PRKG1: variants seen among roughly 807,000 people sequenced by gnomAD.
PRKG1 encodes protein kinase cGMP-dependent 1.
In PRKG1, 35 loss-of-function variants were observed where a neutral mutation model predicts 88.1. The ratio of observed to expected loss-of-function variants is 0.40; its 90% CI spans 0.30 to 0.53. The LOEUF (loss-of-function observed/expected upper bound fraction) is 0.53. Ranked by LOEUF, PRKG1 falls within the 20% of genes least tolerant of loss-of-function variation. The probability of loss-of-function intolerance (pLI) is 0.59; values close to 1 mark genes in which losing one functional copy is unlikely to be tolerated. For missense variants in PRKG1, 540 were observed against 839.8 expected, an observed-to-expected ratio of 0.64 and a Z score of 4.41; for synonymous variants, 303 against 292.5, an observed-to-expected ratio of 1.04 and a Z score of -0.37.
chr10:51,090,212 A>G (rs776872631), intron 1 of PRKG1, among the ~76,000 whole-genome samples: 1 of 152,208 alleles, frequency 6.6e-6, no homozygotes, highest in South Asian at 2.1e-4. Context: ...TGAGGTTCTC[A>G]TTACTATCAT....
At chr10:51,868,521 A>G (rs975290831) in intron 4 of PRKG1, among the ~76,000 whole-genome samples, 1 of 152,092 alleles carries the variant, frequency 6.6e-6, no homozygotes, top group African/African-American at 2.4e-5. Flanking sequence ...TCTGTAGGAT[A>G]CTGAAAATAT....
intron 5 of PRKG1, among the ~76,000 whole-genome samples, chr10:51,951,590 T>C (rs567590679): frequency 2.2e-4 from 34 of 152,222 alleles, no homozygotes; most frequent in Non-Finnish European, 1.6e-4. Context: ...CTTATGGTAC[T>C]ATTCACAGAA....
chr10:51,499,932 C>T (rs2132891215), intron 3 of PRKG1, among the ~76,000 whole-genome samples: 1 of 152,192 alleles, frequency 6.6e-6, no homozygotes, highest in Non-Finnish European at 1.5e-5. Flanking sequence ...ACATTCCAGC[C>T]CAGGTGACAG....
chr10:51,130,481 A>T (rs1235508330), intron 1 of PRKG1, among the ~76,000 whole-genome samples: 1 of 152,178 alleles, frequency 6.6e-6, no homozygotes, highest in African/African-American at 2.4e-5. Context: ...CTGCTCATTT[A>T]CTATCAAACT....
At chr10:51,244,164 A>T (rs966947706) in intron 2 of PRKG1, among the ~76,000 whole-genome samples, 5 of 152,194 alleles carry the variant, frequency 3.3e-5, no homozygotes, top group African/African-American at 1.2e-4. Context: ...AAAATATATC[A>T]TAGATACTTT....
chr10:52,206,383 C>A (rs1401802952), intron 9 of PRKG1, among the ~76,000 whole-genome samples: 6 of 152,114 alleles, frequency 3.9e-5, no homozygotes, highest in Non-Finnish European at 8.8e-5. Context: ...CTTCACTCCT[C>A]TCTATATTCT....
At chr10:51,707,655 C>T (rs1338451433) in intron 3 of PRKG1, among the ~76,000 whole-genome samples, 1 of 151,974 alleles carries the variant, frequency 6.6e-6, no homozygotes, top group East Asian at 1.9e-4. Context: ...TAAACTGCCA[C>T]TCACTTCAGA....
intron 5 of PRKG1, among the ~76,000 whole-genome samples, chr10:51,953,711 G>T (rs1333753269): frequency 2.0e-5 from 3 of 152,112 alleles, no homozygotes; most frequent in Non-Finnish European, 4.4e-5. Context: ...CATATTGTGT[G>T]TGCGGTTTTG....
At chr10:51,061,107 T>C (rs1843687959) in intron 1 of PRKG1, among the ~76,000 whole-genome samples, 1 of 127,292 alleles carries the variant, frequency 7.9e-6, no homozygotes. Context: ...GTTCTCATGC[T>C]GCTAATAAAG....
At chr10:51,476,199 G>C (rs1436702035) in intron 3 of PRKG1, among the ~76,000 whole-genome samples, 1 of 151,982 alleles carries the variant, frequency 6.6e-6, no homozygotes, top group African/African-American at 2.4e-5. Context: ...GAAGTTCCTT[G>C]GAATTGAGAC....
intron 1 of PRKG1, among the ~76,000 whole-genome samples, chr10:51,144,399 T>C (rs945177493): frequency 1.3e-5 from 2 of 152,132 alleles, no homozygotes; most frequent in Non-Finnish European, 1.5e-5. Flanking sequence ...AGTTCTACTA[T>C]GGCAAACTTA....
In PRKG1 at chr10:51,092,496, A is replaced by T. The variant is rs374914141; in HGVS notation, c.311+17595A>T. 6.6e-5 allele frequency among the ~76,000 whole-genome samples: 10 copies of T among 152,238 alleles called. No individual in the cohort carries two copies. The East Asian group carries it at 1.7e-3, about 27-fold the overall frequency. ...TAACTGATTTAGGTGGCTGAAGCTA[A>T]CTCCACTTTGTCTCACTAAGGATCC... is the stretch of plus-strand genomic sequence containing the variant. On this transcript the variant is annotated intron_variant, in intron 1 of 17. Coordinates refer to ENST00000373980, the MANE Select transcript of PRKG1 (RefSeq NM_006258.4).
intron 1 of PRKG1, among the ~76,000 whole-genome samples, chr10:51,112,673 G>A (rs1845005901): frequency 6.6e-6 from 1 of 152,046 alleles, no homozygotes; most frequent in Admixed American, 6.6e-5. Flanking sequence ...CTTTTGTTCG[G>A]ATATTTAATT....
Position 52,290,330 on chromosome 10 carries a change from G to A in PRKG1, c.1962+40G>A, listed in dbSNP as rs147550708. The A allele has an allele frequency of 6.1e-4, 906 of 1,478,894 alleles. 4 individuals carry two copies. In the African/African-American group the frequency reaches 6.9e-3, roughly 11 times the overall value. 91.6% of individuals were successfully genotyped at this position (1,478,894 alleles called of 1,614,324 possible). A position where few individuals can be genotyped will look rare whatever the true frequency, so the allele number is the denominator to read the frequency against. On this transcript the variant is annotated intron_variant, in intron 17 of 17. Coordinates refer to ENST00000373980, the MANE Select transcript of PRKG1 (RefSeq NM_006258.4). The stretch of plus-strand genomic sequence containing the variant: ...CAGCTTATAATTGTGTGACATAATT[G>A]ATGGTGTTTATGTCAGTCAACAATG...
chr10:52,021,340 A>T (rs943648436), intron 5 of PRKG1, among the ~76,000 whole-genome samples: 1 of 152,192 alleles, frequency 6.6e-6, no homozygotes, highest in Non-Finnish European at 1.5e-5. Context: ...GGGAGGCCAC[A>T]TGGGGTGTGA....
intron 3 of PRKG1, among the ~76,000 whole-genome samples, chr10:51,494,750 G>A (rs1387125628): frequency 6.6e-6 from 1 of 152,130 alleles, no homozygotes; most frequent in African/African-American, 2.4e-5. Flanking sequence ...AAAACAATGT[G>A]TGCTCTCTGT....
chr10:52,079,388 A>T (rs1316620647), intron 7 of PRKG1, among the ~76,000 whole-genome samples: 1 of 152,098 alleles, frequency 6.6e-6, no homozygotes, highest in East Asian at 1.9e-4. Context: ...TTTAGATTCC[A>T]GAGGCCCTCT....
At chr10:51,845,772 AG>A (rs1285232898) in intron 4 of PRKG1, among the ~76,000 whole-genome samples, 1 of 152,050 alleles carries the variant, frequency 6.6e-6, no homozygotes. Flanking sequence ...TTTTTGGCAA[AG>A]GGTTGTCATA....
chr10:51,595,431 C>G (rs191159713), intron 3 of PRKG1, among the ~76,000 whole-genome samples: 4 of 152,204 alleles, frequency 2.6e-5, no homozygotes, highest in Admixed American at 2.0e-4. Flanking sequence ...GAGTTCAAGA[C>G]CAGCCTGGCC....
Sources: gnomAD v4.1 joint callset for allele counts (sites outside exome capture counted in the v4.1 genomes callset) on GRCh38, gnomAD v4.1.1 for gene constraint, MANE v1.5 for transcripts, NCBI Gene and HGNC (gene_info 2026-07-23, HGNC 2026-07-21) for gene names.